Variants in GRID2 observed in about 807,000 individuals in gnomAD.
GRID2 encodes the protein glutamate ionotropic receptor delta type subunit 2.
GRID2 carries 33 observed loss-of-function variants against 114.8 expected under a neutral mutation model. The ratio of observed to expected loss-of-function variants is 0.29; its 90% CI spans 0.22 to 0.38. The LOEUF is 0.38. GRID2 is among the 10% of genes least tolerant of loss of function. The pLI is 1.00. For synonymous variants in GRID2, 505 were observed against 449.9 expected (o/e 1.12, Z -1.55); for missense variants, 1,184 against 1,257.7 (o/e 0.94, Z 0.89).
intron 12 of GRID2, among the ~76,000 whole-genome samples, chr4:93,504,202 G>A (rs1308898785): frequency 6.6e-6 from 1 of 151,956 alleles, no homozygotes; most frequent in Non-Finnish European, 1.5e-5. Context: ...AATTATTATG[G>A]ATTCCTCATT....
At chr4:92,729,298 T>C (rs1037005548) in intron 2 of GRID2, among the ~76,000 whole-genome samples, 7 of 152,114 alleles carry the variant, frequency 4.6e-5, no homozygotes, top group African/African-American at 1.7e-4. Flanking sequence ...TCTACTCCAC[T>C]TGTGTCCTCA....
chr4:93,293,788 C>G (rs902066774), intron 8 of GRID2, among the ~76,000 whole-genome samples: 1 of 152,196 alleles, frequency 6.6e-6, no homozygotes, highest in Non-Finnish European at 1.5e-5. Flanking sequence ...TAAGCCAAAG[C>G]TCACTCAGTC....
At chr4:93,388,439 C>A (rs765178200) in intron 8 of GRID2, among the ~76,000 whole-genome samples, 1 of 152,056 alleles carries the variant, frequency 6.6e-6, no homozygotes, top group Non-Finnish European at 1.5e-5. Flanking sequence ...CCTAGCGGTT[C>A]TGATAAGCTT....
intron 5 of GRID2, among the ~76,000 whole-genome samples, chr4:93,214,932 T>C (rs1744010963): frequency 6.6e-6 from 1 of 152,070 alleles, no homozygotes; most frequent in African/African-American, 2.4e-5. Flanking sequence ...TCAGAGACTG[T>C]TTCTTTTGAT....
In GRID2 at chr4:92,849,861, A is replaced by T. The variant is rs373802627; in HGVS notation, c.245-235134A>T. Among the ~76,000 whole-genome samples the T allele has an allele frequency of 1.1e-4, 17 of 151,926 alleles. No homozygotes were observed. The East Asian group carries it at 3.3e-3, about 29-fold the overall frequency. On this transcript the variant is annotated intron_variant, in intron 2 of 15. Transcript: ENST00000282020. ...TGTTTCATTGCTATGATTTTTAATG[A>T]TTGAAATTTCCAGAAATCTACTTTA... is the stretch of plus-strand genomic sequence containing the variant.
intron 2 of GRID2, among the ~76,000 whole-genome samples, chr4:92,752,767 G>A (rs969227508): frequency 3.3e-5 from 5 of 152,136 alleles, no homozygotes; most frequent in African/African-American, 1.2e-4. Context: ...TGTGGCAAGT[G>A]AATATGTAAA....
rs575544655 is a variant in GRID2 at position 93,556,891 on chromosome 4, C to G, written c.2193+41480C>G. The stretch of plus-strand genomic sequence containing the variant: ...GAAGCCCATCAGACTAACAGCAGAT[C>G]TCTCTGCAGAAATCCTACCAGCCAG... On this transcript the variant is annotated intron_variant, in intron 13 of 15. Transcript: ENST00000282020. Among the ~76,000 whole-genome samples, 7 of 152,320 alleles carry G rather than the reference C, an allele frequency of 4.6e-5. No individual in the cohort carries two copies. In the East Asian group the frequency reaches 1.2e-3, roughly 25 times the overall value.
At position 93,143,601 on chromosome 4, in the gene GRID2, A is replaced by G. The variant is rs148609179; in HGVS notation, c.735+32648A>G. On this transcript the variant is annotated intron_variant, in intron 4 of 15. Coordinates refer to ENST00000282020, the MANE Select transcript of GRID2 (RefSeq NM_001510.4). ...GTATAAGATTGATTATTACACTATTACATTCCACTTTAGAATAGTATATCT... is the reference window on the plus strand; with the variant it reads ...GTATAAGATTGATTATTACACTATTGCATTCCACTTTAGAATAGTATATCT... 4.2e-3 allele frequency among the ~76,000 whole-genome samples: 633 copies of G among 152,340 alleles called. 8 individuals carry two copies. The highest frequency in any genetic ancestry group is 0.015 in the African/African-American group (610 of 41,588).
intron 2 of GRID2, among the ~76,000 whole-genome samples, chr4:92,958,113 A>G (rs1036989169): frequency 1.3e-5 from 2 of 152,024 alleles, no homozygotes; most frequent in Non-Finnish European, 2.9e-5. Context: ...GACACTTTTA[A>G]TTCTTCTACA....
intron 4 of GRID2, among the ~76,000 whole-genome samples, chr4:93,126,168 C>T (rs1298159872): frequency 1.3e-5 from 2 of 152,082 alleles, no homozygotes; most frequent in African/African-American, 4.8e-5. Flanking sequence ...ATTTCACTCA[C>T]TATTATTTAA....
chr4:93,260,448 A>G (rs77068536), intron 8 of GRID2, among the ~76,000 whole-genome samples: 4,830 of 151,426 alleles, frequency 0.032, 115 homozygotes, highest in African/African-American at 0.076. Flanking sequence ...TTATTTATTT[A>G]TTTGTTAGAA....
chr4:93,035,540 T>C (rs1413690841), intron 2 of GRID2, among the ~76,000 whole-genome samples: 1 of 152,160 alleles, frequency 6.6e-6, no homozygotes, highest in African/African-American at 2.4e-5. Context: ...AAACTGAGCA[T>C]GGCTTCCCTT....
chr4:93,153,374 T>A (rs1304214526), intron 4 of GRID2, among the ~76,000 whole-genome samples: 1 of 152,050 alleles, frequency 6.6e-6, no homozygotes, highest in Non-Finnish European at 1.5e-5. Flanking sequence ...GTAATTTGAG[T>A]ACTGATTTTT....
chr4:92,366,397 T>G (rs1728867874), intron 1 of GRID2, among the ~76,000 whole-genome samples: 1 of 151,988 alleles, frequency 6.6e-6, no homozygotes, highest in African/African-American at 2.4e-5. Context: ...TTTTGTGCTC[T>G]TCAAAAATAG....
intron 2 of GRID2, among the ~76,000 whole-genome samples, chr4:92,669,606 C>T (rs748245509): frequency 8.6e-5 from 13 of 151,788 alleles, no homozygotes; most frequent in Non-Finnish European, 1.9e-4. Flanking sequence ...TGTGAACAGC[C>T]GCCAGAGTTG....
chr4:92,658,946 T>C (rs1732389937), intron 2 of GRID2, among the ~76,000 whole-genome samples: 1 of 147,912 alleles, frequency 6.8e-6, no homozygotes, highest in South Asian at 2.2e-4. Context: ...GCATTTCCTT[T>C]CCAGAAAATT....
intron 1 of GRID2, among the ~76,000 whole-genome samples, chr4:92,364,572 T>C (rs1728762305): frequency 6.6e-6 from 1 of 151,848 alleles, no homozygotes; most frequent in African/African-American, 2.4e-5. Context: ...TTTTTTTTCA[T>C]TGAGGAGAGG....
intron 8 of GRID2, among the ~76,000 whole-genome samples, chr4:93,357,829 C>G (rs936372080): frequency 1.3e-5 from 2 of 151,530 alleles, no homozygotes; most frequent in Admixed American, 1.3e-4. Context: ...CATTCCTTCC[C>G]ACCTTTTTGT....
intron 1 of GRID2, among the ~76,000 whole-genome samples, chr4:92,547,670 C>CT (rs35940787): frequency 0.21 from 31,348 of 148,972 alleles, 3,449 homozygotes; most frequent in South Asian, 0.29. Flanking sequence ...TGAAAAGGAA[C>CT]TTTTTTTTTT....
Sources: gnomAD v4.1 joint callset for allele counts (sites outside exome capture counted in the v4.1 genomes callset) on GRCh38, gnomAD v4.1.1 for gene constraint, MANE v1.5 for transcripts, NCBI Gene and HGNC (gene_info 2026-07-23, HGNC 2026-07-21) for gene names.